PLCH1: variants seen among roughly 807,000 people sequenced by gnomAD.
The protein encoded by PLCH1 is phospholipase C eta 1, also known as 1-phosphatidylinositol 4,5-bisphosphate phosphodiesterase eta-1.
In PLCH1, 60 loss-of-function variants were observed where a neutral mutation model predicts 126.7. That is an observed-to-expected ratio of 0.47 (90% CI 0.38 to 0.59). PLCH1 has a LOEUF of 0.59. PLCH1 is among the 20% of genes least tolerant of loss of function. The pLI, the probability that PLCH1 is intolerant of heterozygous loss-of-function variation, is 0.00. For missense variants in PLCH1, 1,723 were observed against 2,040.0 expected, an observed-to-expected ratio of 0.84 and a Z score of 2.99; for synonymous variants, 719 against 734.9, an observed-to-expected ratio of 0.98 and a Z score of 0.35.
intron 1 of PLCH1, among the ~76,000 whole-genome samples, chr3:155,729,599 T>C (rs944284868): frequency 1.3e-5 from 2 of 152,188 alleles, no homozygotes; most frequent in African/African-American, 4.8e-5. Flanking sequence ...TAATATGCTA[T>C]CTAAATATAA....
intron 1 of PLCH1, among the ~76,000 whole-genome samples, chr3:155,710,164 T>C (rs1746991145): frequency 6.6e-6 from 1 of 151,864 alleles, no homozygotes; most frequent in Non-Finnish European, 1.5e-5. Context: ...ATTTTTGTAT[T>C]TTTTTAGTAG....
In PLCH1 at chr3:155,485,431, T is replaced by C. The variant is rs1714902808; in HGVS notation, c.2899A>G (p.Arg967Gly). The C allele has an allele frequency of 6.2e-7, 1 of 1,612,300 alleles. No individual in the cohort carries two copies. The highest frequency in any genetic ancestry group is 8.5e-7 in the Non-Finnish European group (1 of 1,178,370). Residue 967 changes from arginine (R) to glycine (G), a missense_variant, in exon 22 of 23, where the codon AGA (arginine) becomes GGA (glycine). By Grantham distance (125) the Arg-to-Gly change is moderately radical (BLOSUM62 -2). This residue lies in a region of PLCH1 where 947 missense variants were observed against 977.1 expected (regional missense o/e 0.97). Transcript: ENST00000460012. ...AGCGACAAAGCTCCCAGAAGGTTTC[T>C]GTCAACAGGCATAGAGACAGGGCGT... ...QARPVSMPVD[R>G]NLLGALSLPV...
In PLCH1 at chr3:155,482,880, C is replaced by T. The variant is rs1363289785; in HGVS notation, c.3146G>A (p.Gly1049Asp). 7.4e-6 allele frequency: 12 copies of T among 1,614,130 alleles called. No individual in the cohort carries two copies. In the East Asian group the frequency reaches 2.2e-4, roughly 30 times the overall value. Residue 1049 changes from glycine to aspartate, a missense_variant, in exon 23 of 23, where the codon GGC (glycine) becomes GAC (aspartate). Coordinates refer to ENST00000460012, the MANE Select transcript of PLCH1 (RefSeq NM_014996.4). The stretch of plus-strand genomic sequence containing the variant: ...TCTCCCACCCCTAGGACTTGACATG[C>T]CCAGCTGTTCTCCTGTGACTGACAT... ...AHMSVTGEQLGMSSPRGGRTT... is the reference protein window; with the variant it reads ...AHMSVTGEQLDMSSPRGGRTT...
At chr3:155,696,915 G>A (rs2109059956) in intron 2 of PLCH1, among the ~76,000 whole-genome samples, 1 of 152,334 alleles carries the variant, frequency 6.6e-6, no homozygotes, top group South Asian at 2.1e-4. Context: ...GCTTGTTTCA[G>A]AAAATTGAAA....
At chr3:155,594,221 G>A (rs759466080) in intron 3 of PLCH1, 37 bp from the exon 4 acceptor site, 10 of 1,579,896 alleles carry the variant, frequency 6.3e-6, no homozygotes, top group Non-Finnish European at 7.8e-6. Context: ...TTATACAGCA[G>A]GCAAAGATAC....
rs761172698 is a variant in PLCH1, at chr3:155,482,149, C to G, written c.3877G>C (p.Glu1293Gln). ...TTAGGGGATCCAGGCAGGTTGCTTT[C>G]TAAGGCCGCTGTCTTGGCCTTACTA... The part of the protein sequence containing the change: ...LSSKAKTAAL[E>Q]SNLPGSPNTS... Residue 1293 changes from glutamate to glutamine, a missense_variant, in exon 23 of 23, where the codon GAA becomes CAA. Glu to Gln is a conservative substitution (Grantham distance 29, BLOSUM62 2). This residue lies in a region of PLCH1 where 947 missense variants were observed against 977.1 expected (regional missense o/e 0.97). Transcript: ENST00000460012. 6.2e-7 allele frequency: 1 copy of G among 1,614,192 alleles called. No homozygotes were observed. Among genetic ancestry groups the G allele is most frequent in the Non-Finnish European group, 8.5e-7 (1 of 1,180,012 alleles).
intron 10 of PLCH1, among the ~76,000 whole-genome samples, chr3:155,542,981 C>T (rs1350157110): frequency 6.6e-6 from 1 of 152,194 alleles, no homozygotes; most frequent in East Asian, 1.9e-4. Context: ...AGCAGAGCAC[C>T]TTTCCTCCTC....
At chr3:155,463,061 A>G (rs1712789881) in intron 21 of PLCH1, among the ~76,000 whole-genome samples, 1 of 152,206 alleles carries the variant, frequency 6.6e-6, no homozygotes, top group Non-Finnish European at 1.5e-5. Context: ...AAATCCAGTT[A>G]TCTAGCTGGT....
rs144468829 is a variant in PLCH1 at position 155,531,352 on chromosome 3, C to G, written c.1363-7348G>C. On this transcript the variant is annotated intron_variant, in intron 10 of 22. Transcript: ENST00000460012. ...GAAAATCTGTTGTTTAGGCTGGGCA[C>G]AGTGGCTCACGCCTGTAATCCCAGC... is the stretch of plus-strand genomic sequence containing the variant. 6.0e-3 allele frequency among the ~76,000 whole-genome samples: 908 copies of G among 152,306 alleles called. 13 individuals are homozygous for G. Among genetic ancestry groups the G allele is most frequent in the African/African-American group, 0.021 (886 of 41,574 alleles).
intron 10 of PLCH1, among the ~76,000 whole-genome samples, chr3:155,546,604 A>G (rs1325523561): frequency 6.6e-6 from 1 of 152,232 alleles, no homozygotes; most frequent in African/African-American, 2.4e-5. Flanking sequence ...CAAAAGAACA[A>G]GGCTGGAGGC....
rs1324054657 is a variant in PLCH1, at chr3:155,482,279, C to T, written c.3747G>A (p.Glu1249=). ...SKSSFLCSSP[E]LIALSSSETT... is the part of the protein sequence containing the mutation. ...TCTCAGAACTCGAGAGTGCTATCAGCTCCGGAGATGAGCACAGGAAGGAAG... is the reference window on the plus strand; with the variant it reads ...TCTCAGAACTCGAGAGTGCTATCAGTTCCGGAGATGAGCACAGGAAGGAAG... The change falls in exon 23 of 23, where the codon GAG becomes GAA. Residue 1249 remains glutamate, a synonymous_variant. Transcript: ENST00000460012. 6.2e-7 allele frequency: 1 copy of T among 1,614,174 alleles called. No individual in the cohort carries two copies.
chr3:155,639,781 T>C (rs1361346164), intron 2 of PLCH1, among the ~76,000 whole-genome samples: 1 of 152,142 alleles, frequency 6.6e-6, no homozygotes, highest in African/African-American at 2.4e-5. Flanking sequence ...CATGTCAAAT[T>C]ATAATCCCTA....
chr3:155,471,950 C>T (rs1401195850), intron 21 of PLCH1, among the ~76,000 whole-genome samples: 1 of 151,932 alleles, frequency 6.6e-6, no homozygotes, highest in African/African-American at 2.4e-5. Flanking sequence ...AAATTTATAG[C>T]ACTAAATGCC....
intron 7 of PLCH1, among the ~76,000 whole-genome samples, chr3:155,566,939 A>C (rs1038232306): frequency 3.9e-5 from 6 of 152,196 alleles, no homozygotes; most frequent in African/African-American, 1.4e-4. Context: ...TAACTTAGGA[A>C]ACCAGGTTTA....
intron 6 of PLCH1, among the ~76,000 whole-genome samples, chr3:155,579,332 A>G (rs1231235945): frequency 1.3e-5 from 2 of 152,232 alleles, no homozygotes; most frequent in Non-Finnish European, 2.9e-5. Context: ...AAATGGCTAG[A>G]TCTGTGCAGC....
chr3:155,708,949 C>A (rs898177945), intron 1 of PLCH1, among the ~76,000 whole-genome samples: 4 of 152,200 alleles, frequency 2.6e-5, no homozygotes, highest in East Asian at 1.9e-4. Context: ...CCTCCCTCCC[C>A]CTTAGCCCCT....
intron 2 of PLCH1, among the ~76,000 whole-genome samples, chr3:155,674,893 T>C (rs1400096338): frequency 6.6e-6 from 1 of 152,216 alleles, no homozygotes; most frequent in Non-Finnish European, 1.5e-5. Flanking sequence ...ACGACCCTGA[T>C]AGTATGCTGT....
intron 2 of PLCH1, among the ~76,000 whole-genome samples, chr3:155,623,095 C>T (rs929099844): frequency 1.3e-5 from 2 of 152,150 alleles, no homozygotes; most frequent in African/African-American, 4.8e-5. Context: ...AATTAGAACT[C>T]AGGATTAAGA....
chr3:155,691,077 C>A (rs1745342829), intron 2 of PLCH1, among the ~76,000 whole-genome samples: 2 of 152,082 alleles, frequency 1.3e-5, no homozygotes, highest in African/African-American at 2.4e-5. Flanking sequence ...AAACACAAAC[C>A]CACCCCCTCA....
Sources: gnomAD v4.1 joint callset for allele counts (sites outside exome capture counted in the v4.1 genomes callset) on GRCh38, gnomAD v4.1.1 for gene constraint, gnomAD v4.1.1 regional missense constraint, MANE v1.5 for transcripts, NCBI Gene and HGNC (gene_info 2026-07-23, HGNC 2026-07-21) for gene names.